The following STPG1 variants were observed in gnomAD, a reference collection of about 807,000 sequenced individuals.
STPG1 encodes the protein O(6)-methylguanine-induced apoptosis 2.
Under a neutral mutation model 40.1 loss-of-function variants are expected in STPG1, and 33 were observed. That is an observed-to-expected ratio of 0.82 (90% CI 0.62 to 1.10). The LOEUF (loss-of-function observed/expected upper bound fraction) is 1.10, where lower values mean the gene tolerates loss of function less well. Ranked by LOEUF, STPG1 falls within the 50% of genes least tolerant of loss-of-function variation. The probability of loss-of-function intolerance (pLI) is 0.00; values close to 1 mark genes in which losing one functional copy is unlikely to be tolerated. For missense variants in STPG1, 396 were observed against 415.1 expected (o/e 0.95, Z 0.40); for synonymous variants, 150 against 155.0 (o/e 0.97, Z 0.24).
In STPG1 at chr1:24,399,081, C is replaced by G. The variant is rs1352232437; in HGVS notation, c.70+2238G>C. ...ATAAATATGTACAACTATTATGTAT[C>G]CATAAAAATTAAAAATAAAAAAGTA... On this transcript the variant is annotated intron_variant, in intron 2 of 8. Coordinates refer to ENST00000337248, the MANE Select transcript of STPG1 (RefSeq NM_001199013.2). This position sits in a 1 kb window ranked among gnomAD's most constrained non-coding sequence, Gnocchi z 4.0. Among the ~76,000 whole-genome samples the G allele has an allele frequency of 6.6e-6, 1 of 151,466 alleles. No individual in the cohort carries two copies. The highest frequency in any genetic ancestry group is 1.5e-5 in the Non-Finnish European group (1 of 67,860).
At chr1:24,378,041 G>A (rs138412894) in intron 5 of STPG1, among the ~76,000 whole-genome samples, 108 of 151,100 alleles carry the variant, frequency 7.1e-4, no homozygotes, top group Middle Eastern at 3.4e-3. Context: ...TCATTTTCAG[G>A]CTCTGATTAT....
Position 24,358,720 on chromosome 1 carries a change from T to C in STPG1, c.929-101A>G. The C allele has an allele frequency of 3.7e-6, 3 of 812,096 alleles. No homozygotes were observed. The South Asian group carries it at 4.9e-5, about 13-fold the overall frequency. The allele number at this position is 812,096 out of a possible 1,614,324, so 50.3% of individuals were successfully genotyped here. ...AGCTGGAAAGGCCTGGGGACCCCTG[T>C]GCCAGCCCCTGTATCTTACACGTGG... On this transcript the variant is annotated intron_variant, in intron 8 of 8. Coordinates refer to ENST00000337248, the MANE Select transcript of STPG1 (RefSeq NM_001199013.2).
rs540344850 is a variant in STPG1 at position 24,392,845 on chromosome 1, C to T, written c.71-1166G>A. On this transcript the variant is annotated intron_variant, in intron 2 of 8. Coordinates refer to ENST00000337248, the MANE Select transcript of STPG1 (RefSeq NM_001199013.2). ...TCCTAACCTTCAGAGAGGAAATACG[C>T]GCAGAAATGGGGGAAAAAAAACAGT... Among the ~76,000 whole-genome samples the T allele has an allele frequency of 1.0e-4, 12 of 116,666 alleles. No individual in the cohort carries two copies. The East Asian group carries it at 2.1e-3, about 21-fold the overall frequency. The allele number at this position is 116,666 out of a possible 152,430, so 76.5% of individuals were successfully genotyped here.
chr1:24,373,711 G>C lies in STPG1; in HGVS notation c.562C>G (p.Pro188Ala). ...RGSFAFADKG[P>A]PPGHYDINES... Reference sequence around the variant, plus strand: ...CAAAGCAGCTGCTTACCTGGGGGAGGTCCTTTATCAGCAAAAGCGAAAGAT... The same window carrying C: ...CAAAGCAGCTGCTTACCTGGGGGAGCTCCTTTATCAGCAAAAGCGAAAGAT... Residue 188 changes from proline (P) to alanine (A), a missense_variant, in exon 6 of 9, where the codon CCT (proline) becomes GCT (alanine). Coordinates refer to ENST00000337248, the MANE Select transcript of STPG1 (RefSeq NM_001199013.2). 1 of 1,608,820 alleles carries C rather than the reference G, an allele frequency of 6.2e-7. No individual in the cohort carries two copies. Among genetic ancestry groups the C allele is most frequent in the Non-Finnish European group, 8.5e-7 (1 of 1,175,446 alleles).
intron 1 of STPG1, chr1:24,411,637 T>C (rs956789423): frequency 1.3e-5 from 2 of 152,154 alleles, no homozygotes; most frequent in African/African-American, 4.8e-5. Context: ...AGACAATGTC[T>C]CACCTATGCT....
chr1:24,407,260 T>C (rs1643448143), intron 1 of STPG1, among the ~76,000 whole-genome samples: 1 of 152,206 alleles, frequency 6.6e-6, no homozygotes. Flanking sequence ...TTGGAAAATA[T>C]TCAGCCATTA....
At chr1:24,373,329 A>G (rs1225934107) in intron 6 of STPG1, among the ~76,000 whole-genome samples, 4 of 152,142 alleles carry the variant, frequency 2.6e-5, no homozygotes, top group Admixed American at 6.5e-5. Flanking sequence ...AAGGAACAGG[A>G]TGTATGGTCA....
intron 1 of STPG1, among the ~76,000 whole-genome samples, chr1:24,409,534 C>T (rs1643535107): frequency 6.6e-6 from 1 of 152,174 alleles, no homozygotes. Context: ...GTAGTCCACC[C>T]TTGTCTGTAG....
chr1:24,407,363 T>C (rs1643451310), intron 1 of STPG1, among the ~76,000 whole-genome samples: 1 of 152,170 alleles, frequency 6.6e-6, no homozygotes, highest in Non-Finnish European at 1.5e-5. Flanking sequence ...GTTATTGATA[T>C]TCTGTTCAAT....
At chr1:24,390,749 G>GT (rs1174522911) in intron 3 of STPG1, among the ~76,000 whole-genome samples, 2 of 145,138 alleles carry the variant, frequency 1.4e-5, no homozygotes. Flanking sequence ...AGTTTTTTTT[G>GT]TTTTTTGTTT....
intron 2 of STPG1, among the ~76,000 whole-genome samples, chr1:24,393,308 T>A (rs76196869): frequency 2.6e-5 from 4 of 152,236 alleles, no homozygotes; most frequent in African/African-American, 4.8e-5. Context: ...GTAGAAAATA[T>A]TTGGGGATAC....
In STPG1 at chr1:24,360,915, T is replaced by G; in HGVS notation, c.864A>C (p.Ala288=). The G allele has an allele frequency of 6.2e-7, 1 of 1,613,952 alleles. No individual in the cohort carries two copies. The highest frequency in any genetic ancestry group is 8.5e-7 in the Non-Finnish European group (1 of 1,179,962). The change falls in exon 8 of 9, where the codon GCA becomes GCC. Residue 288 remains alanine, a synonymous_variant. Coordinates refer to ENST00000337248, the MANE Select transcript of STPG1 (RefSeq NM_001199013.2). ...ACCGGCTGGTATTGGACACGAATGA[T>G]GCACTAGAGATGAAATGCTTGCGGG... The part of the protein sequence containing the change: ...LGPRKHFISS[A]SFVSNTSRWT...
intron 3 of STPG1, among the ~76,000 whole-genome samples, chr1:24,386,997 C>CATT (rs34050678): frequency 8.5e-6 from 1 of 118,196 alleles, no homozygotes; most frequent in African/African-American, 3.4e-5. Context: ...TGCGGCCCGC[C>CATT]ATCATCATCA....
At chr1:24,392,861 A>AAG (rs1182524355) in intron 2 of STPG1, among the ~76,000 whole-genome samples, 1 of 151,656 alleles carries the variant, frequency 6.6e-6, no homozygotes, top group Non-Finnish European at 1.5e-5. Context: ...AATGGGGGAA[A>AAG]AAAAACAGTC....
At position 24,401,324 on chromosome 1, in the gene STPG1, T is replaced by C; in HGVS notation, c.65A>G (p.Gln22Arg). The change falls in exon 2 of 9, where the codon CAG becomes CGG. Residue 22 changes from glutamine (Q) to arginine (R), a missense_variant. By Grantham distance (43) the Gln-to-Arg change is conservative. Transcript: ENST00000337248. ...CCCTGCAAAGACACATGTACCTTTC[T>C]GTACTTCACTGGCACGTCTGGGATG... Reference protein sequence around the residue: ...GKHPRRASEVQKGFTAAYPTQ... With the variant: ...GKHPRRASEVRKGFTAAYPTQ... 1 of 1,614,090 alleles carries C rather than the reference T, an allele frequency of 6.2e-7. No individual in the cohort carries two copies. Among genetic ancestry groups the C allele is most frequent in the Non-Finnish European group, 8.5e-7 (1 of 1,179,952 alleles).
At chr1:24,382,545 C>G (rs1642333253) in intron 4 of STPG1, among the ~76,000 whole-genome samples, 1 of 152,242 alleles carries the variant, frequency 6.6e-6, no homozygotes, top group Non-Finnish European at 1.5e-5. Flanking sequence ...TCTTCTACAC[C>G]AGGACTTCAT....
At chr1:24,376,210 G>A (rs755720145) in intron 5 of STPG1, among the ~76,000 whole-genome samples, 6 of 152,004 alleles carry the variant, frequency 3.9e-5, no homozygotes, top group African/African-American at 9.7e-5. Flanking sequence ...TAGTAGAGGC[G>A]AGGTTTCACT....
chr1:24,389,225 G>A (rs1224810355), intron 3 of STPG1, among the ~76,000 whole-genome samples: 1 of 152,152 alleles, frequency 6.6e-6, no homozygotes, highest in Non-Finnish European at 1.5e-5. Flanking sequence ...TGACAAGTGA[G>A]CCGGCTTGCT....
chr1:24,401,979 GC>G, intron 1 of STPG1, among the ~76,000 whole-genome samples: 1 of 152,290 alleles, frequency 6.6e-6, no homozygotes, highest in South Asian at 2.1e-4. Context: ...GAGCCACCAT[GC>G]CTGGCCTATT....
Sources: gnomAD v4.1 joint callset for allele counts (sites outside exome capture counted in the v4.1 genomes callset) on GRCh38, gnomAD v4.1.1 for gene constraint, Gnocchi (gnomAD v3.1) non-coding constraint, MANE v1.5 for transcripts, NCBI Gene and HGNC (gene_info 2026-07-23, HGNC 2026-07-21) for gene names.